AMOTL1: variants seen among roughly 807,000 people sequenced by gnomAD.
AMOTL1 encodes the protein angiomotin like 1, also known as angiomotin-like protein 1.
A neutral mutation model predicts 102.9 loss-of-function variants in AMOTL1; 45 were observed. That is an observed-to-expected ratio of 0.44 (90% confidence interval 0.34 to 0.56). The LOEUF (loss-of-function observed/expected upper bound fraction) is 0.56, where lower values mean the gene tolerates loss of function less well. Among genes scored for constraint, AMOTL1 ranks in the 20% least tolerant of loss-of-function variants. The probability of loss-of-function intolerance (pLI) is 0.01; values close to 1 mark genes in which losing one functional copy is unlikely to be tolerated. For missense variants in AMOTL1, 1,114 were observed against 1,225.6 expected (o/e 0.91, Z 1.36); for synonymous variants, 481 against 484.7 (o/e 0.99, Z 0.10).
intron 2 of AMOTL1, among the ~76,000 whole-genome samples, chr11:94,795,793 G>A (rs1951355881): frequency 6.6e-6 from 1 of 152,012 alleles, no homozygotes; most frequent in South Asian, 2.1e-4. Flanking sequence ...ATTCTCCTTT[G>A]GAAATATATT....
chr11:94,743,783 CA>C, intron 3 of AMOTL1, among the ~76,000 whole-genome samples: 1 of 151,308 alleles, frequency 6.6e-6, no homozygotes, highest in East Asian at 2.0e-4. Flanking sequence ...CTCAGCCTCC[CA>C]ACTAGCTGGG....
chr11:94,851,245 G>T (rs179642), intron 7 of AMOTL1, among the ~76,000 whole-genome samples: 7,127 of 152,242 alleles, frequency 0.047, 548 homozygotes, highest in African/African-American at 0.16. Context: ...GGAGGCTGGG[G>T]CTTCTCATTA....
intron 7 of AMOTL1, among the ~76,000 whole-genome samples, 169 bp downstream of exon 7, chr11:94,850,428 A>G (rs746803198): frequency 2.0e-5 from 3 of 152,254 alleles, no homozygotes; most frequent in Non-Finnish European, 2.9e-5. Context: ...AACAGAGTCT[A>G]TGCATTCTAG....
In AMOTL1 at chr11:94,831,524, G is replaced by A; in HGVS notation, c.1631G>A (p.Gly544Glu). The A allele has an allele frequency of 6.2e-7, 1 of 1,613,730 alleles. No individual in the cohort carries two copies. Among genetic ancestry groups the A allele is most frequent in the East Asian group, 2.2e-5 (1 of 44,884 alleles). ...GGGCATGAAGACAAAGCTGCAGAGGGGCATTATGCTTCCCAGAGTGAGTCT... is the reference window on the plus strand; with the variant it reads ...GGGCATGAAGACAAAGCTGCAGAGGAGCATTATGCTTCCCAGAGTGAGTCT... ...YEGHEDKAAEGHYASQNKEFL... is the reference protein window; with the variant it reads ...YEGHEDKAAEEHYASQNKEFL... Residue 544 changes from glycine (G) to glutamate (E), a missense_variant, in exon 6 of 13, where the codon GGG becomes GAG. Physicochemically the swap from Gly to Glu is moderately conservative, Grantham distance 98. Transcript: ENST00000433060.
intron 6 of AMOTL1, among the ~76,000 whole-genome samples, chr11:94,848,943 G>A (rs1175392250): frequency 6.6e-6 from 1 of 152,184 alleles, no homozygotes; most frequent in Non-Finnish European, 1.5e-5. Context: ...GTTAACCACT[G>A]GTTAACCACT....
intron 3 of AMOTL1, among the ~76,000 whole-genome samples, chr11:94,803,527 G>C (rs1276253700): frequency 6.6e-6 from 1 of 152,218 alleles, no homozygotes; most frequent in Non-Finnish European, 1.5e-5. Flanking sequence ...CAACCTGAAA[G>C]TGTAAATGGA....
intron 11 of AMOTL1, 129 bp downstream of exon 11, chr11:94,866,297 G>A: frequency 5.6e-6 from 5 of 899,206 alleles, no homozygotes; most frequent in Non-Finnish European, 8.4e-6. Flanking sequence ...GAAGTGGGGA[G>A]GGAAATCAGT....
intron 6 of AMOTL1, among the ~76,000 whole-genome samples, chr11:94,836,100 G>T (rs989400901): frequency 4.6e-5 from 7 of 152,026 alleles, no homozygotes; most frequent in African/African-American, 1.7e-4. Context: ...ATGCCTCCTG[G>T]TTTTTTTATT....
At chr11:94,783,703 T>A (rs1426787937) in intron 1 of AMOTL1, among the ~76,000 whole-genome samples, 1 of 152,240 alleles carries the variant, frequency 6.6e-6, no homozygotes, top group African/African-American at 2.4e-5. Context: ...CTGTTATTTC[T>A]GCACTGTTAG....
chr11:94,851,641 C>T (rs981147820), intron 7 of AMOTL1, among the ~76,000 whole-genome samples: 3 of 152,200 alleles, frequency 2.0e-5, no homozygotes, highest in African/African-American at 4.8e-5. Flanking sequence ...GCTGTGTGAC[C>T]TTAAGCAAGT....
chr11:94,773,800 G>A (rs1950986301), intron 1 of AMOTL1, among the ~76,000 whole-genome samples: 3 of 152,218 alleles, frequency 2.0e-5, no homozygotes, highest in African/African-American at 7.2e-5. Flanking sequence ...TAGCTTAAAA[G>A]AAGGTGAAAA....
At chr11:94,796,627 C>G (rs772300664) in intron 2 of AMOTL1, among the ~76,000 whole-genome samples, 2 of 152,060 alleles carry the variant, frequency 1.3e-5, no homozygotes, top group Admixed American at 6.5e-5. Context: ...GATGGGGGAG[C>G]TTGTTGGTGT....
intron 1 of AMOTL1, among the ~76,000 whole-genome samples, chr11:94,794,278 C>T (rs568807154): frequency 5.3e-5 from 8 of 152,304 alleles, no homozygotes; most frequent in African/African-American, 1.7e-4. Flanking sequence ...AGCCTGGGCC[C>T]GTCCTGCTGA....
rs1952735948 is a variant in AMOTL1 at position 94,859,697 on chromosome 11, C to G, written c.2117C>G (p.Ala706Gly). The G allele has an allele frequency of 6.2e-7, 1 of 1,609,628 alleles. No individual in the cohort carries two copies. Among genetic ancestry groups the G allele is most frequent in the East Asian group, 2.2e-5 (1 of 44,748 alleles). ...TIRHFAMNAA[A>G]TAAAERDTTI... ...CGACACTTTGCCATGAATGCCGCAG[C>G]CACTGCAGCAGCTGAGAGGTGAGAC... is the stretch of plus-strand genomic sequence containing the variant. Residue 706 changes from alanine (A) to glycine (G), a missense_variant, in exon 9 of 13, where the codon GCC becomes GGC. Ala to Gly is a moderately conservative substitution (Grantham distance 60). Coordinates refer to ENST00000433060, the MANE Select transcript of AMOTL1 (RefSeq NM_130847.3).
intron 1 of AMOTL1, among the ~76,000 whole-genome samples, chr11:94,779,207 C>T (rs1951072450): frequency 6.6e-6 from 1 of 152,086 alleles, no homozygotes; most frequent in African/African-American, 2.4e-5. Context: ...ATTTGGATTA[C>T]CTGGAAACTG....
chr11:94,727,848 T>C (rs1414584637), intron 1 of AMOTL1, among the ~76,000 whole-genome samples: 1 of 152,210 alleles, frequency 6.6e-6, no homozygotes, highest in Non-Finnish European at 1.5e-5. Flanking sequence ...TAGTATTTTA[T>C]TAGATATTGT....
chr11:94,814,685 G>A (rs942674849), intron 3 of AMOTL1, among the ~76,000 whole-genome samples: 19 of 152,138 alleles, frequency 1.2e-4, no homozygotes, highest in African/African-American at 4.6e-4. Flanking sequence ...GAGGATGGGA[G>A]CCCACACTTA....
Position 94,792,279 on chromosome 11 carries a change from T to C in AMOTL1, c.50-2732T>C, listed in dbSNP as rs982685592. Among the ~76,000 whole-genome samples, 6 of 152,186 alleles carry C rather than the reference T, an allele frequency of 3.9e-5. No individual in the cohort carries two copies. In the East Asian group the frequency reaches 1.2e-3, roughly 29 times the overall value. On this transcript the variant is annotated intron_variant, in intron 1 of 12. Coordinates refer to ENST00000433060, the MANE Select transcript of AMOTL1 (RefSeq NM_130847.3). ...GGTGGGAATTGAACAATGAGAACACTTGGACACAGGATGGGGAACATCACA... is the reference window on the plus strand; with the variant it reads ...GGTGGGAATTGAACAATGAGAACACCTGGACACAGGATGGGGAACATCACA...
intron 3 of AMOTL1, among the ~76,000 whole-genome samples, chr11:94,809,587 C>T (rs1489688695): frequency 1.3e-5 from 2 of 152,354 alleles, no homozygotes; most frequent in Non-Finnish European, 1.5e-5. Flanking sequence ...AAGGGTGGTG[C>T]TTCTTGCCTT....
Sources: allele counts gnomAD v4.1 joint callset (sites outside exome capture counted in the v4.1 genomes callset), GRCh38; gene constraint gnomAD v4.1.1; transcripts MANE v1.5; gene names NCBI Gene and HGNC (gene_info 2026-07-23, HGNC 2026-07-21).